Variants in TACR2 observed in about 807,000 individuals in gnomAD.
TACR2 encodes tachykinin receptor 2.
Under a neutral mutation model 28.9 loss-of-function variants are expected in TACR2, and 24 were observed. The observed-to-expected ratio is 0.83, with a 90% confidence interval of 0.60 to 1.17. The LOEUF (loss-of-function observed/expected upper bound fraction) is 1.17, where lower values mean the gene tolerates loss of function less well. TACR2 is among the 50% of genes most tolerant of loss of function. The pLI is 0.00. For synonymous variants in TACR2, 222 were observed against 212.6 expected (o/e 1.04, Z -0.38); for missense variants, 487 against 524.4 (o/e 0.93, Z 0.70).
chr10:69,412,964 G>A (rs536165671), intron 2 of TACR2, among the ~76,000 whole-genome samples: 6 of 152,164 alleles, frequency 3.9e-5, no homozygotes, highest in African/African-American at 1.4e-4. Flanking sequence ...CCAAGTAGCT[G>A]GGATTACAGG....
Position 69,409,890 on chromosome 10 carries a change from CATATATATATATACATAT to C in TACR2, c.588-833_588-816del, listed in dbSNP as rs1413148506. ...GTATATATATATATATACATATATA[CATATATATATATACATAT>C]ATATATATATATATATATATATATA... On this transcript the variant is annotated intron_variant, in intron 2 of 4. Transcript: ENST00000373306. Among the ~76,000 whole-genome samples, 12 of 35,350 alleles carry C rather than the reference CATATATATATATACATAT, an allele frequency of 3.4e-4. 1 individual carries two copies. The highest frequency in any genetic ancestry group is 1.6e-3 in the East Asian group (2 of 1,232). The allele number at this position is 35,350 out of a possible 152,430, so 23.2% of individuals were successfully genotyped here.
In TACR2 at chr10:69,405,000, C is replaced by T. The variant is rs139162766; in HGVS notation, c.1023G>A (p.Thr341=). 25 of 1,614,164 alleles carry T rather than the reference C, an allele frequency of 1.5e-5. No individual in the cohort carries two copies. In the African/African-American group the frequency reaches 1.9e-4, roughly 12 times the overall value. The part of the protein sequence containing the change: ...TKEDKLELTP[T]TSLSTRVNRC... ...TGTTGACTCTCGTGGAGAGGGAGGT[C>T]GTGGGAGTCAGCTCGAGCTTATCTT... The change falls in exon 5 of 5, where the codon ACG becomes ACA. Residue 341 remains threonine, a synonymous_variant. Transcript: ENST00000373306.
rs1368905306 is a variant in TACR2 at position 69,416,046 on chromosome 10, T to C, written c.278A>G (p.Tyr93Cys). The change falls in exon 1 of 5, where the codon TAT becomes TGT. Residue 93 changes from tyrosine to cysteine, a missense_variant. Tyr to Cys is a radical substitution (Grantham distance 194). Transcript: ENST00000373306. ...AAAGTACCAGATGTTGTGGCTGGCA[T>C]AGACAAAGTTGAAGGCGGCATTGAA... ...AAFNAAFNFV[Y>C]ASHNIWYFGR... The C allele has an allele frequency of 1.7e-5, 28 of 1,614,060 alleles. No homozygotes were observed. Among genetic ancestry groups the C allele is most frequent in the Non-Finnish European group, 2.2e-5 (26 of 1,180,028 alleles).
At chr10:69,412,349 C>T (rs778191134) in intron 2 of TACR2, among the ~76,000 whole-genome samples, 11 of 151,998 alleles carry the variant, frequency 7.2e-5, no homozygotes, top group African/African-American at 1.9e-4. Flanking sequence ...GAGGTTCAGG[C>T]GCTCCTAGAC....
chr10:69,415,658 G>A (rs528877314), intron 1 of TACR2, among the ~76,000 whole-genome samples: 4 of 152,292 alleles, frequency 2.6e-5, no homozygotes, highest in South Asian at 4.1e-4. Context: ...TCAGAAGGTC[G>A]CTAAAACATT....
chr10:69,409,074 A>C lies in TACR2; in HGVS notation c.589T>G (p.Tyr197Asp). The C allele has an allele frequency of 6.2e-7, 1 of 1,600,544 alleles. No homozygotes were observed. The highest frequency in any genetic ancestry group is 2.3e-5 in the East Asian group (1 of 43,268). ...ATGAGGGCGATCACCACGAGGTGGT[A>C]CCTGCAGGGAGAGCCGAGGCCTGGG... ...EDSGGKTLLL[Y>D]HLVVIALIYF... The change falls in exon 3 of 5, where the codon TAC (tyrosine) becomes GAC (aspartate). Residue 197 changes from tyrosine to aspartate, a missense_variant and splice_region_variant. Coordinates refer to ENST00000373306, the MANE Select transcript of TACR2 (RefSeq NM_001057.3).
At chr10:69,411,841 T>C (rs564883402) in intron 2 of TACR2, among the ~76,000 whole-genome samples, 1 of 143,844 alleles carries the variant, frequency 7.0e-6, no homozygotes, top group African/African-American at 3.0e-5. Context: ...TTTGATTTTG[T>C]TTTTTTTGAG....
intron 3 of TACR2, 68 bp from the exon 4 acceptor site, chr10:69,407,348 C>CA (rs1224250789): frequency 3.4e-6 from 5 of 1,488,244 alleles, no homozygotes; most frequent in Non-Finnish European, 4.5e-6. Flanking sequence ...CGAGGGCAGA[C>CA]ACAGAGGACC....
At position 69,416,130 on chromosome 10, in the gene TACR2, C is replaced by T. The variant is rs149007484; in HGVS notation, c.194G>A (p.Arg65His). Reference sequence around the variant, plus strand: ...GACGATGAAGTAGTTGGTGACTGTGCGCATCCTCCGATGGGCCAGGATGAT... The same window carrying T: ...GACGATGAAGTAGTTGGTGACTGTGTGCATCCTCCGATGGGCCAGGATGAT... ...IWIILAHRRM[R>H]TVTNYFIVNL... Residue 65 changes from arginine (R) to histidine (H), a missense_variant, in exon 1 of 5, where the codon CGC becomes CAC. Physicochemically the swap from Arg to His is conservative, Grantham distance 29. Coordinates refer to ENST00000373306, the MANE Select transcript of TACR2 (RefSeq NM_001057.3). 120 of 1,614,154 alleles carry T rather than the reference C, an allele frequency of 7.4e-5. No homozygotes were observed. In the Admixed American group the frequency reaches 9.7e-4, roughly 13 times the overall value.
intron 3 of TACR2, 81 bp downstream of exon 3, chr10:69,408,841 C>A (rs1266923220): frequency 1.2e-5 from 2 of 162,382 alleles, no homozygotes; most frequent in Non-Finnish European, 2.4e-5. Context: ...CGTCCGGCCC[C>A]GCCCCCATGA....
Position 69,414,927 on chromosome 10 carries a change from A to G in TACR2, c.587+18T>C, listed in dbSNP as rs543973164. ...CACACACACACTGTTGCCCTCCACA[A>G]TCCCCCAGAGGCCTTACAGGAGGAG... On this transcript the variant is annotated intron_variant, in intron 2 of 4. Coordinates refer to ENST00000373306, the MANE Select transcript of TACR2 (RefSeq NM_001057.3). 18 of 1,597,676 alleles carry G rather than the reference A, an allele frequency of 1.1e-5. No homozygotes were observed. The East Asian group carries it at 3.1e-4, about 28-fold the overall frequency.
chr10:69,416,085 A>G lies in TACR2; in HGVS notation c.239T>C (p.Leu80Pro), dbSNP rs201936893. 14 of 1,614,098 alleles carry G rather than the reference A, an allele frequency of 8.7e-6. No individual in the cohort carries two copies. Among genetic ancestry groups the G allele is most frequent in the Non-Finnish European group, 1.2e-5 (14 of 1,180,040 alleles). Residue 80 changes from leucine to proline, a missense_variant, in exon 1 of 5, where the codon CTC (leucine) becomes CCC (proline). Physicochemically the swap from Leu to Pro is moderately conservative, Grantham distance 98. Coordinates refer to ENST00000373306, the MANE Select transcript of TACR2 (RefSeq NM_001057.3). Reference protein sequence around the residue: ...YFIVNLALADLCMAAFNAAFN... With the variant: ...YFIVNLALADPCMAAFNAAFN... Reference sequence around the variant, plus strand: ...GGCGGCATTGAAGGCAGCCATGCAGAGGTCAGCCAGCGCCAGATTGACGAT... The same window carrying G: ...GGCGGCATTGAAGGCAGCCATGCAGGGGTCAGCCAGCGCCAGATTGACGAT...
chr10:69,404,435 T>A lies in TACR2; in HGVS notation c.*391A>T, dbSNP rs199707776. 9.0e-5 allele frequency: 14 copies of A among 156,280 alleles called. No homozygotes were observed. In the East Asian group the frequency reaches 1.5e-3, roughly 17 times the overall value. 9.7% of individuals were successfully genotyped at this position (156,280 alleles called of 1,614,324 possible). A position where few individuals can be genotyped will look rare whatever the true frequency, so the allele number is the denominator to read the frequency against. ...AAGGCTTCAGGGTTCAATAGGCACC[T>A]ATCTCAGTCCATTTGTGTTGCTTTC... On this transcript the variant is annotated 3_prime_UTR_variant, in exon 5 of 5. Coordinates refer to ENST00000373306, the MANE Select transcript of TACR2 (RefSeq NM_001057.3).
chr10:69,414,844 C>G lies in TACR2; in HGVS notation c.587+101G>C. Reference sequence around the variant, plus strand: ...CATGTGTACACCCATGCATGCACACCACACATGCATGGACATGGATGCATG... The same window carrying G: ...CATGTGTACACCCATGCATGCACACGACACATGCATGGACATGGATGCATG... On this transcript the variant is annotated intron_variant, in intron 2 of 4. Coordinates refer to ENST00000373306, the MANE Select transcript of TACR2 (RefSeq NM_001057.3). 1.5e-6 allele frequency: 2 copies of G among 1,301,894 alleles called. 1 individual carries two copies. The highest frequency in any genetic ancestry group is 2.8e-5 in the South Asian group (2 of 70,262). 80.6% of individuals were successfully genotyped at this position (1,301,894 alleles called of 1,614,324 possible).
In TACR2 at chr10:69,416,645, T is replaced by G. The variant is rs200838207; in HGVS notation, c.-322A>C. On this transcript the variant is annotated 5_prime_UTR_variant, in exon 1 of 5. Transcript: ENST00000373306. ...CACCCTTATAAATCAACCCCTTCGCTGAAGAGATGGAAGACAGAGATTCCA... is the reference window on the plus strand; with the variant it reads ...CACCCTTATAAATCAACCCCTTCGCGGAAGAGATGGAAGACAGAGATTCCA... 1 of 241,136 alleles carries G rather than the reference T, an allele frequency of 4.1e-6. No homozygotes were observed. The highest frequency in any genetic ancestry group is 8.0e-6 in the Non-Finnish European group (1 of 125,074). The allele number at this position is 241,136 out of a possible 1,614,324, so 14.9% of individuals were successfully genotyped here.
intron 4 of TACR2, 54 bp downstream of exon 4, chr10:69,407,030 G>A: frequency 6.3e-7 from 1 of 1,576,974 alleles, no homozygotes; most frequent in Non-Finnish European, 8.7e-7. Context: ...AGCCCACCTG[G>A]GGCTGGGCAG....
chr10:69,409,904 CATATATATATATATATAT>C (rs10663894), intron 2 of TACR2, among the ~76,000 whole-genome samples: 20 of 34,674 alleles, frequency 5.8e-4, no homozygotes, highest in Admixed American at 1.3e-3. Context: ...TATATATATA[CATATATATATATATATAT>C]ATATATATAT....
rs1840488221 is a variant in TACR2, at chr10:69,404,952, C to A, written c.1071G>T (p.Leu357Phe). ...AGGGGGCTGTGTCCCCAGCCATGAA[C>A]AAAGTCTCCTTAGTGTGACACCTGT... ...RVNRCHTKETLFMAGDTAPSE... is the reference protein window; with the variant it reads ...RVNRCHTKETFFMAGDTAPSE... The change falls in exon 5 of 5, where the codon TTG becomes TTT. Residue 357 changes from leucine (L) to phenylalanine (F), a missense_variant. Leu to Phe is a conservative substitution (Grantham distance 22). Coordinates refer to ENST00000373306, the MANE Select transcript of TACR2 (RefSeq NM_001057.3). 6.2e-7 allele frequency: 1 copy of A among 1,614,242 alleles called. No homozygotes were observed. The highest frequency in any genetic ancestry group is 8.5e-7 in the Non-Finnish European group (1 of 1,180,028).
chr10:69,407,363 G>A (rs10998762), intron 3 of TACR2, 83 bp from the exon 4 acceptor site: 470,984 of 1,376,404 alleles, frequency 0.34, 83,668 homozygotes, highest in South Asian at 0.47. Context: ...AGGACCCCTT[G>A]CACCCACCTG....
Sources: allele counts gnomAD v4.1 joint callset (sites outside exome capture counted in the v4.1 genomes callset), GRCh38; gene constraint gnomAD v4.1.1; transcripts MANE v1.5; gene names NCBI Gene and HGNC (gene_info 2026-07-23, HGNC 2026-07-21).